SORCS2: variants seen among roughly 807,000 people sequenced by gnomAD.
SORCS2 encodes the protein sortilin related VPS10 domain containing receptor 2.
Under a neutral mutation model 141.6 loss-of-function variants are expected in SORCS2, and 100 were observed. The ratio of observed to expected loss-of-function variants is 0.71; its 90% confidence interval spans 0.60 to 0.83. The LOEUF is 0.83. Among genes scored for constraint, SORCS2 ranks in the 40% least tolerant of loss-of-function variants. SORCS2 has a pLI of 0.00. For missense variants in SORCS2, 1,646 were observed against 1,560.2 expected (o/e 1.05, Z -0.93); for synonymous variants, 789 against 676.9 (o/e 1.17, Z -2.57).
chr4:7,723,702 T>C lies in SORCS2; in HGVS notation c.2430T>C (p.Asp810=), dbSNP rs1577119470. The change falls in exon 19 of 27, where the codon GAT becomes GAC. Residue 810 remains aspartate (D), a synonymous_variant. Transcript: ENST00000507866. ...VLFVVRQEQG[D]VLTTKYQVDL... ...CACATGGTGTTTCTCTGCAGGGTGA[T>C]GTCCTGACTACCAAGTACCAGGTAG... 3.7e-6 allele frequency: 6 copies of C among 1,613,938 alleles called. No individual in the cohort carries two copies. The highest frequency in any genetic ancestry group is 1.3e-5 in the African/African-American group (1 of 75,038).
intron 2 of SORCS2, chr4:7,430,397 A>G (rs1013555683): frequency 2.6e-5 from 4 of 152,160 alleles, no homozygotes; most frequent in African/African-American, 9.7e-5. Flanking sequence ...CAAAACAAAA[A>G]CAACAACAAC....
chr4:7,346,554 G>C (rs1377642871), intron 1 of SORCS2, among the ~76,000 whole-genome samples: 3 of 152,170 alleles, frequency 2.0e-5, no homozygotes, highest in African/African-American at 7.2e-5. Flanking sequence ...ACTAGGTTAA[G>C]TCAGTTGATA....
intron 2 of SORCS2, among the ~76,000 whole-genome samples, chr4:7,423,965 A>G (rs1726255528): frequency 6.6e-6 from 1 of 152,212 alleles, no homozygotes; most frequent in African/African-American, 2.4e-5. Flanking sequence ...CTCCTCAGCA[A>G]GGGCCCAGGC....
chr4:7,240,404 C>T (rs56385456), intron 1 of SORCS2, among the ~76,000 whole-genome samples: 2,335 of 152,240 alleles, frequency 0.015, 63 homozygotes, highest in African/African-American at 0.053. Flanking sequence ...ATACGTAACG[C>T]GGGGCCATCC....
intron 3 of SORCS2, among the ~76,000 whole-genome samples, chr4:7,615,703 C>T (rs1051516917): frequency 2.0e-5 from 3 of 152,176 alleles, no homozygotes; most frequent in African/African-American, 4.8e-5. Context: ...CTACAGATCC[C>T]TGGGGACTAG....
chr4:7,299,430 T>C (rs765347351), intron 1 of SORCS2, among the ~76,000 whole-genome samples: 4 of 152,236 alleles, frequency 2.6e-5, no homozygotes, highest in Non-Finnish European at 4.4e-5. Flanking sequence ...ATGGATCGCA[T>C]GGCCTCGGAT....
intron 2 of SORCS2, chr4:7,434,393 C>A: frequency 6.2e-7 from 1 of 1,607,336 alleles, no homozygotes; most frequent in South Asian, 1.1e-5. Context: ...ATGAACGGAG[C>A]CACAGCCTCA....
chr4:7,344,770 C>T (rs1214107017), intron 1 of SORCS2, among the ~76,000 whole-genome samples: 2 of 152,180 alleles, frequency 1.3e-5, no homozygotes, highest in Non-Finnish European at 2.9e-5. Flanking sequence ...AATGGGAAAG[C>T]GAATAAACCC....
At chr4:7,682,486 C>G (rs1028118815) in intron 9 of SORCS2, among the ~76,000 whole-genome samples, 3 of 152,194 alleles carry the variant, frequency 2.0e-5, no homozygotes, top group African/African-American at 7.2e-5. Flanking sequence ...GGGAGAACAG[C>G]TCAGCACCAT....
chr4:7,497,774 C>T (rs749671900), intron 2 of SORCS2, among the ~76,000 whole-genome samples: 4 of 152,270 alleles, frequency 2.6e-5, no homozygotes, highest in Admixed American at 6.5e-5. Flanking sequence ...CCCAAGGTGA[C>T]TCCCTTGTGG....
At chr4:7,231,101 T>A (rs1014028378) in intron 1 of SORCS2, among the ~76,000 whole-genome samples, 1 of 152,260 alleles carries the variant, frequency 6.6e-6, no homozygotes, top group African/African-American at 2.4e-5. Context: ...TATAAGGAAC[T>A]GGCTCACATA....
intron 23 of SORCS2, among the ~76,000 whole-genome samples, chr4:7,730,157 C>T (rs1711554331): frequency 6.6e-6 from 1 of 152,058 alleles, no homozygotes; most frequent in South Asian, 2.1e-4. Flanking sequence ...TAAGTAATAG[C>T]CCTCATGGAG....
chr4:7,266,878 G>T (rs1213253186), intron 1 of SORCS2, among the ~76,000 whole-genome samples: 4 of 152,098 alleles, frequency 2.6e-5, no homozygotes, highest in Non-Finnish European at 5.9e-5. Context: ...TCGGCCCCCT[G>T]TCGCCACGCC....
chr4:7,420,402 T>A (rs557471034), intron 2 of SORCS2, among the ~76,000 whole-genome samples: 53 of 152,274 alleles, frequency 3.5e-4, no homozygotes, highest in African/African-American at 1.1e-3. Context: ...CACCAAGCCA[T>A]ATCCTGGCTG....
chr4:7,274,502 C>T (rs1375229624), intron 1 of SORCS2, among the ~76,000 whole-genome samples: 2 of 152,142 alleles, frequency 1.3e-5, no homozygotes, highest in African/African-American at 4.8e-5. Context: ...AACAGGGAGC[C>T]AGTACCTCAC....
chr4:7,204,916 C>T (rs3796906), intron 1 of SORCS2, among the ~76,000 whole-genome samples: 19,820 of 152,248 alleles, frequency 0.13, 1,395 homozygotes, highest in East Asian at 0.24. Context: ...TAAGGGTAAC[C>T]GTTTGCCTTC....
intron 1 of SORCS2, among the ~76,000 whole-genome samples, chr4:7,331,801 C>T (rs1719670727): frequency 1.3e-5 from 2 of 152,290 alleles, no homozygotes; most frequent in South Asian, 4.1e-4. Flanking sequence ...CCTTTACCTC[C>T]TGTGAGCCCT....
chr4:7,726,881 C>T lies in SORCS2; in HGVS notation c.2847C>T (p.Asp949=), dbSNP rs761957621. The change falls in exon 21 of 27, where the codon GAC becomes GAT. Residue 949 remains aspartate (D), a synonymous_variant. Coordinates refer to ENST00000507866, the MANE Select transcript of SORCS2 (RefSeq NM_020777.3). The stretch of plus-strand genomic sequence containing the variant: ...CCTGTGGGAACTCGGTGCTGCAGGA[C>T]TCCAGGGTCCTCCGTGTGCTGGGTA... ...QAACGNSVLQ[D]SRVLRVLDQF... 1 of 1,613,582 alleles carries T rather than the reference C, an allele frequency of 6.2e-7. No individual in the cohort carries two copies. The highest frequency in any genetic ancestry group is 1.1e-5 in the South Asian group (1 of 91,064).
intron 1 of SORCS2, among the ~76,000 whole-genome samples, chr4:7,300,497 T>A (rs1717363206): frequency 6.6e-6 from 1 of 152,204 alleles, no homozygotes; most frequent in Non-Finnish European, 1.5e-5. Context: ...CTGCCTCTGC[T>A]TTCAGTGATG....
Sources: gnomAD v4.1 joint callset for allele counts (sites outside exome capture counted in the v4.1 genomes callset) on GRCh38, gnomAD v4.1.1 for gene constraint, MANE v1.5 for transcripts, NCBI Gene and HGNC (gene_info 2026-07-23, HGNC 2026-07-21) for gene names.